The following EFCAB13 variants were observed in gnomAD, a reference collection of about 807,000 sequenced individuals.
EFCAB13 encodes EF-hand calcium-binding domain-containing protein 13.
EFCAB13 carries 91 observed loss-of-function variants against 110.2 expected under a neutral mutation model. The observed-to-expected ratio is 0.83, with a 90% confidence interval of 0.70 to 0.98. The LOEUF (loss-of-function observed/expected upper bound fraction) is 0.98, where lower values mean the gene tolerates loss of function less well. Ranked by LOEUF, EFCAB13 falls within the 50% of genes least tolerant of loss-of-function variation. The probability of loss-of-function intolerance (pLI) is 0.00; values close to 1 mark genes in which losing one functional copy is unlikely to be tolerated. For synonymous variants in EFCAB13, 323 were observed against 369.9 expected, an observed-to-expected ratio of 0.87 and a Z score of 1.45; for missense variants, 968 against 1,119.4, an observed-to-expected ratio of 0.86 and a Z score of 1.93.
chr17:47,418,582 T>G (rs1239731722), intron 23 of EFCAB13, among the ~76,000 whole-genome samples: 1 of 152,230 alleles, frequency 6.6e-6, no homozygotes, highest in Admixed American at 6.5e-5. Context: ...GATTTTGAAT[T>G]TGGTAAAGTT....
At chr17:47,332,607 A>C (rs2065326003) in intron 4 of EFCAB13, among the ~76,000 whole-genome samples, 1 of 143,430 alleles carries the variant, frequency 7.0e-6, no homozygotes. Flanking sequence ...CCATCTTTCT[A>C]CTCCCTGTTT....
chr17:47,436,677 C>T (rs1905221022), intron 24 of EFCAB13, among the ~76,000 whole-genome samples: 1 of 151,724 alleles, frequency 6.6e-6, no homozygotes. Flanking sequence ...CTTGGTTAAT[C>T]TCACCAGTGG....
At chr17:47,435,274 G>GA (rs1175893831) in intron 24 of EFCAB13, among the ~76,000 whole-genome samples, 1 of 152,102 alleles carries the variant, frequency 6.6e-6, no homozygotes, top group African/African-American at 2.4e-5. Context: ...ACAAACATAT[G>GA]AAAAAAATGC....
At chr17:47,391,290 A>G in intron 14 of EFCAB13, 147 bp from the exon 15 acceptor site, 1 of 474,860 alleles carries the variant, frequency 2.1e-6, no homozygotes, top group Non-Finnish European at 3.4e-6. Flanking sequence ...TTTTTATTAA[A>G]GATTCTAGAT....
chr17:47,411,521 A>G (rs1333831130), intron 21 of EFCAB13, among the ~76,000 whole-genome samples: 1 of 152,120 alleles, frequency 6.6e-6, no homozygotes, highest in Non-Finnish European at 1.5e-5. Context: ...ATATATTATA[A>G]TTTTGTTTAT....
chr17:47,384,223 G>C (rs142707472), intron 14 of EFCAB13, among the ~76,000 whole-genome samples: 1 of 144,516 alleles, frequency 6.9e-6, no homozygotes, highest in Non-Finnish European at 1.5e-5. Flanking sequence ...TTGAGCCTAT[G>C]TGTGTCTTTG....
chr17:47,346,037 A>G (rs2065413643), intron 8 of EFCAB13, among the ~76,000 whole-genome samples: 1 of 152,184 alleles, frequency 6.6e-6, no homozygotes, highest in Non-Finnish European at 1.5e-5. Context: ...TTTCTTTTGA[A>G]AAAAATTTTA....
intron 21 of EFCAB13, among the ~76,000 whole-genome samples, chr17:47,409,926 T>C (rs1352136142): frequency 6.6e-6 from 1 of 152,170 alleles, no homozygotes; most frequent in Non-Finnish European, 1.5e-5. Context: ...CGTTATTTTG[T>C]ACCATTATCC....
chr17:47,410,975 A>G (rs1382755385), intron 21 of EFCAB13, among the ~76,000 whole-genome samples: 9 of 152,148 alleles, frequency 5.9e-5, no homozygotes, highest in African/African-American at 2.2e-4. Flanking sequence ...TTTGATTAAT[A>G]TCTCTTCCTC....
At chr17:47,344,971 G>T (rs1230815317) in intron 7 of EFCAB13, 45 bp from the exon 8 acceptor site, 1 of 1,391,600 alleles carries the variant, frequency 7.2e-7, no homozygotes, top group East Asian at 2.3e-5. Context: ...AATGGAATTT[G>T]CATATTTTCA....
In EFCAB13 at chr17:47,391,318, C is replaced by T. The variant is rs905130200; in HGVS notation, c.1583-119C>T. ...TTCTAGATATGCTTTTAGTATATAACACTGCTGAAGTGATTTATATTTTTG... is the reference window on the plus strand; with the variant it reads ...TTCTAGATATGCTTTTAGTATATAATACTGCTGAAGTGATTTATATTTTTG... On this transcript the variant is annotated intron_variant, in intron 14 of 24. Transcript: ENST00000331493. 29 of 671,404 alleles carry T rather than the reference C, an allele frequency of 4.3e-5. No homozygotes were observed. In the East Asian group the frequency reaches 6.0e-4, roughly 14 times the overall value. The allele number at this position is 671,404 out of a possible 1,614,324, so 41.6% of individuals were successfully genotyped here.
At chr17:47,413,183 T>G (rs988660506) in intron 22 of EFCAB13, among the ~76,000 whole-genome samples, 1 of 152,188 alleles carries the variant, frequency 6.6e-6, no homozygotes, top group African/African-American at 2.4e-5. Context: ...AATTGTATAA[T>G]AAAAACATGA....
intron 11 of EFCAB13, among the ~76,000 whole-genome samples, chr17:47,371,366 G>A (rs567845218): frequency 6.6e-6 from 1 of 152,158 alleles, no homozygotes; most frequent in African/African-American, 2.4e-5. Flanking sequence ...CAGGTCTTAT[G>A]TTTAAGTCTT....
At chr17:47,364,775 A>C (rs759868672) in intron 10 of EFCAB13, among the ~76,000 whole-genome samples, 8 of 152,214 alleles carry the variant, frequency 5.3e-5, no homozygotes, top group Admixed American at 1.3e-4. Flanking sequence ...AAATCTAATA[A>C]TACCTCTTGG....
chr17:47,424,239 G>A (rs1015853501), intron 23 of EFCAB13, among the ~76,000 whole-genome samples: 1 of 152,224 alleles, frequency 6.6e-6, no homozygotes, highest in Non-Finnish European at 1.5e-5. Flanking sequence ...GGACTCCCGA[G>A]CGGCTCGGAG....
chr17:47,359,803 G>C (rs1162201932), intron 9 of EFCAB13, among the ~76,000 whole-genome samples: 8 of 113,944 alleles, frequency 7.0e-5, no homozygotes, highest in African/African-American at 2.8e-4. Flanking sequence ...AGTCCCCAGA[G>C]TGTGATGTTC....
chr17:47,374,161 ATTATC>A (rs908196701), intron 11 of EFCAB13, among the ~76,000 whole-genome samples: 4 of 152,116 alleles, frequency 2.6e-5, no homozygotes, highest in African/African-American at 9.7e-5. Flanking sequence ...TTATTAATCT[ATTATC>A]TTTGTCAATT....
In EFCAB13 at chr17:47,328,282, A is replaced by G. The variant is rs116044876; in HGVS notation, c.-72A>G. ...TTTTTTTGGCAGGAAATCCTTTTGT[A>G]CTATTGCTCATTCATACTTGTTCAT... is the stretch of plus-strand genomic sequence containing the variant. On this transcript the variant is annotated 5_prime_UTR_variant, in exon 4 of 25. Coordinates refer to ENST00000331493, the MANE Select transcript of EFCAB13 (RefSeq NM_152347.5). The G allele has an allele frequency of 2.8e-4, 364 of 1,278,160 alleles. No homozygotes were observed. In the African/African-American group the frequency reaches 4.7e-3, roughly 17 times the overall value. The allele number at this position is 1,278,160 out of a possible 1,614,324, so 79.2% of individuals were successfully genotyped here. A position where few individuals can be genotyped will look rare whatever the true frequency, so the allele number is the denominator to read the frequency against.
At chr17:47,346,433 A>ACCC (rs60932759) in intron 8 of EFCAB13, among the ~76,000 whole-genome samples, 1,706 of 94,266 alleles carry the variant, frequency 0.018, 125 homozygotes, top group East Asian at 0.026. Flanking sequence ...AACGTACTTT[A>ACCC]CCCCCCCCCC....
Sources: gnomAD v4.1 joint callset for allele counts (sites outside exome capture counted in the v4.1 genomes callset) on GRCh38, gnomAD v4.1.1 for gene constraint, MANE v1.5 for transcripts, NCBI Gene and HGNC (gene_info 2026-07-23, HGNC 2026-07-21) for gene names.